The following SH3BP4 variants were observed in gnomAD, a reference collection of about 807,000 sequenced individuals.
SH3BP4 encodes the protein SH3 domain-binding protein 4.
Under a neutral mutation model 65.5 loss-of-function variants are expected in SH3BP4, and 33 were observed. That is an observed-to-expected ratio of 0.50 (90% confidence interval 0.38 to 0.67). SH3BP4 has a LOEUF of 0.67. SH3BP4 is among the 30% of genes least tolerant of loss of function. The pLI is 0.00. For missense variants in SH3BP4, 1,134 were observed against 1,261.4 expected (o/e 0.90, Z 1.53); for synonymous variants, 552 against 545.5 (o/e 1.01, Z -0.17).
At chr2:234,999,003 C>T (rs746284864) in intron 2 of SH3BP4, among the ~76,000 whole-genome samples, 26 of 152,300 alleles carry the variant, frequency 1.7e-4, no homozygotes, top group Admixed American at 7.2e-4. Flanking sequence ...AGCGGCTGAA[C>T]GGGAAGCTGT....
intron 1 of SH3BP4, among the ~76,000 whole-genome samples, chr2:234,975,512 T>C (rs1391797821): frequency 6.6e-6 from 1 of 152,236 alleles, no homozygotes; most frequent in Non-Finnish European, 1.5e-5. Flanking sequence ...TGTAAGTGGC[T>C]TCATTTCATA....
At chr2:234,996,920 G>A (rs1249607840) in intron 2 of SH3BP4, among the ~76,000 whole-genome samples, 5 of 150,144 alleles carry the variant, frequency 3.3e-5, no homozygotes. Context: ...TCCTTGGGCG[G>A]CACGCATGTG....
chr2:234,986,814 T>TA, intron 1 of SH3BP4, among the ~76,000 whole-genome samples: 1 of 148,742 alleles, frequency 6.7e-6, no homozygotes, highest in Non-Finnish European at 1.5e-5. Flanking sequence ...ATTTTATTTT[T>TA]TTTTTTTTTG....
chr2:234,975,542 C>T (rs759702056), intron 1 of SH3BP4, among the ~76,000 whole-genome samples: 2 of 152,136 alleles, frequency 1.3e-5, no homozygotes, highest in African/African-American at 2.4e-5. Context: ...ACTGAGGCAC[C>T]GAGCAGTTCG....
chr2:235,040,769 T>G, intron 3 of SH3BP4, 119 bp from the exon 4 acceptor site: 1 of 838,242 alleles, frequency 1.2e-6, no homozygotes, highest in Admixed American at 2.3e-5. Context: ...TTTCTGTTGG[T>G]GACTTGCCTG....
chr2:235,005,297 AG>A (rs1244431807), intron 2 of SH3BP4, among the ~76,000 whole-genome samples: 2 of 151,954 alleles, frequency 1.3e-5, no homozygotes, highest in Non-Finnish European at 2.9e-5. Context: ...GCTGTACCCC[AG>A]GGGGCTCCCC....
chr2:234,980,916 G>A (rs1693357484), intron 1 of SH3BP4, among the ~76,000 whole-genome samples: 1 of 152,000 alleles, frequency 6.6e-6, no homozygotes. Flanking sequence ...TTGAGACAGG[G>A]TCTCACTGTG....
At chr2:234,984,933 A>G (rs1693500725) in intron 1 of SH3BP4, among the ~76,000 whole-genome samples, 1 of 152,186 alleles carries the variant, frequency 6.6e-6, no homozygotes, top group Admixed American at 6.5e-5. Context: ...TTAACCAACT[A>G]TTAGGGCTCC....
In SH3BP4 at chr2:235,001,329, A is replaced by G. The variant is rs558403573; in HGVS notation, c.-133+5953A>G. 2.4e-4 allele frequency among the ~76,000 whole-genome samples: 36 copies of G among 152,318 alleles called. No homozygotes were observed. In the South Asian group the frequency reaches 7.5e-3, roughly 32 times the overall value. On this transcript the variant is annotated intron_variant, in intron 2 of 5. Coordinates refer to ENST00000392011, the MANE Select transcript of SH3BP4 (RefSeq NM_014521.3). Reference sequence around the variant, plus strand: ...GTCCAGAGACTTTGTCAGATTCCTTAGAGGATTTGCACCCTCAAAAAACGT... The same window carrying G: ...GTCCAGAGACTTTGTCAGATTCCTTGGAGGATTTGCACCCTCAAAAAACGT...
In SH3BP4 at chr2:235,045,714, C is replaced by A. The variant is rs1695837128; in HGVS notation, c.2478+2467C>A. Among the ~76,000 whole-genome samples the A allele has an allele frequency of 6.6e-6, 1 of 151,688 alleles. No individual in the cohort carries two copies. The highest frequency in any genetic ancestry group is 2.1e-4 in the South Asian group (1 of 4,764). On this transcript the variant is annotated intron_variant, in intron 4 of 5. Coordinates refer to ENST00000392011, the MANE Select transcript of SH3BP4 (RefSeq NM_014521.3). The surrounding 1 kb of genome is among the most constrained non-coding windows in gnomAD (Gnocchi z 4.3). ...TTTATTAGGAGACCCTGAAAACTGG[C>A]TGTTCTATTCCGCTTGTCATCACAG...
At chr2:234,954,084 G>C (rs1392723767) in intron 1 of SH3BP4, among the ~76,000 whole-genome samples, 1 of 152,044 alleles carries the variant, frequency 6.6e-6, no homozygotes, top group Non-Finnish European at 1.5e-5. Context: ...TGGCTTCCTA[G>C]AGATTTGTAT....
At chr2:235,044,805 G>C (rs758646757) in intron 4 of SH3BP4, among the ~76,000 whole-genome samples, 5 of 152,266 alleles carry the variant, frequency 3.3e-5, no homozygotes, top group Non-Finnish European at 7.3e-5. Flanking sequence ...AGCCCGGCAG[G>C]AGTGGGGCAG....
intron 4 of SH3BP4, among the ~76,000 whole-genome samples, chr2:235,048,685 C>T (rs550236453): frequency 3.9e-5 from 6 of 152,348 alleles, no homozygotes; most frequent in East Asian, 1.9e-4. Flanking sequence ...CCGCCAGGCC[C>T]GCTATTCCTG....
rs190767990 is a variant in SH3BP4 at position 234,954,197 on chromosome 2, T to C, written c.-207+2027T>C. On this transcript the variant is annotated intron_variant, in intron 1 of 5. Transcript: ENST00000392011. ...TTTTCCTGTTGTCCCAAGACTACAT[T>C]TTAGTGATCTTATAAAACAATAAAT... 2.3e-3 allele frequency among the ~76,000 whole-genome samples: 348 copies of C among 152,226 alleles called. 1 individual carries two copies. The highest frequency in any genetic ancestry group is 7.9e-3 in the African/African-American group (327 of 41,538).
chr2:234,965,405 T>A (rs911942134), intron 1 of SH3BP4, among the ~76,000 whole-genome samples: 4 of 152,222 alleles, frequency 2.6e-5, no homozygotes, highest in Admixed American at 2.0e-4. Flanking sequence ...TGCACCCCCG[T>A]GAGCTGCTGA....
rs1468439110 is a variant in SH3BP4, at chr2:235,054,092, G to C, written c.*276G>C. The C allele has an allele frequency of 1.0e-5, 4 of 385,342 alleles. No homozygotes were observed. Among genetic ancestry groups the C allele is most frequent in the African/African-American group, 8.0e-5 (4 of 50,188 alleles). 23.9% of individuals were successfully genotyped at this position (385,342 alleles called of 1,614,324 possible). ...ACTTTTTTAACGAATGGGGGGAAGG[G>C]ATCTATGAGAAAGGTGGTATCTAAT... On this transcript the variant is annotated 3_prime_UTR_variant, in exon 6 of 6. Coordinates refer to ENST00000392011, the MANE Select transcript of SH3BP4 (RefSeq NM_014521.3).
chr2:234,970,736 C>T (rs1164432480), intron 1 of SH3BP4, among the ~76,000 whole-genome samples: 1 of 152,200 alleles, frequency 6.6e-6, no homozygotes, highest in Non-Finnish European at 1.5e-5. Flanking sequence ...CGTAGGTTTC[C>T]ATGTCTGTAT....
chr2:235,043,886 A>G (rs1027961346), intron 4 of SH3BP4, among the ~76,000 whole-genome samples: 3 of 152,288 alleles, frequency 2.0e-5, no homozygotes, highest in East Asian at 1.9e-4. Context: ...GGGGGGCCCC[A>G]GACAACCCAA....
rs1245856147 is a variant in SH3BP4 at position 234,978,022 on chromosome 2, C to G, written c.-206-17281C>G. The stretch of plus-strand genomic sequence containing the variant: ...CCAGGCTGGAGTGCAGTGGCGCCAT[C>G]TCTGCTCACTGCAACCTCTGCCTCC... On this transcript the variant is annotated intron_variant, in intron 1 of 5. Transcript: ENST00000392011. The surrounding 1 kb of genome is among the most constrained non-coding windows in gnomAD (Gnocchi z 4.1). 6.6e-6 allele frequency among the ~76,000 whole-genome samples: 1 copy of G among 152,126 alleles called. No homozygotes were observed. Among genetic ancestry groups the G allele is most frequent in the Non-Finnish European group, 1.5e-5 (1 of 68,036 alleles).
Sources: gnomAD v4.1 joint callset for allele counts (sites outside exome capture counted in the v4.1 genomes callset) on GRCh38, gnomAD v4.1.1 for gene constraint, Gnocchi (gnomAD v3.1) non-coding constraint, MANE v1.5 for transcripts, NCBI Gene and HGNC (gene_info 2026-07-23, HGNC 2026-07-21) for gene names.